The following SHANK2 variants were observed in gnomAD, a reference collection of about 807,000 sequenced individuals.
The protein encoded by SHANK2 is SH3 and multiple ankyrin repeat domains protein 2.
In SHANK2, 43 loss-of-function variants were observed where a neutral mutation model predicts 133.7. The observed-to-expected ratio is 0.32, with a 90% confidence interval of 0.25 to 0.41. The LOEUF (loss-of-function observed/expected upper bound fraction) is 0.41, where lower values mean the gene tolerates loss of function less well. SHANK2 is among the 10% of genes least tolerant of loss of function. The pLI, the probability that SHANK2 is intolerant of heterozygous loss-of-function variation, is 1.00. For synonymous variants in SHANK2, 1,017 were observed against 952.8 expected (o/e 1.07, Z -1.24); for missense variants, 1,994 against 2,235.8 (o/e 0.89, Z 2.18).
At chr11:70,523,859 G>A (rs2059362135) in intron 17 of SHANK2, among the ~76,000 whole-genome samples, 1 of 152,132 alleles carries the variant, frequency 6.6e-6, no homozygotes, top group South Asian at 2.1e-4. Flanking sequence ...TCCTCTGACA[G>A]CACCCTTCAT....
At chr11:71,143,234 C>CA (rs1160353113) in intron 3 of SHANK2, among the ~76,000 whole-genome samples, 5 of 150,482 alleles carry the variant, frequency 3.3e-5, no homozygotes, top group African/African-American at 1.2e-4. Context: ...GACTCCATCT[C>CA]AAAAAACAAA....
chr11:71,068,953 T>TATCACC (rs1453236818), intron 9 of SHANK2, among the ~76,000 whole-genome samples: 12 of 131,838 alleles, frequency 9.1e-5, no homozygotes, highest in Admixed American at 6.0e-4. Context: ...CCACCATCAC[T>TATCACC]ATCACCATGA....
intron 6 of SHANK2, among the ~76,000 whole-genome samples, chr11:71,108,825 TCTC>T (rs1951841644): frequency 6.6e-6 from 1 of 152,098 alleles, no homozygotes; most frequent in Non-Finnish European, 1.5e-5. Context: ...CGTGCCGGCT[TCTC>T]CTGCTGCTCA....
chr11:70,948,559 A>C (rs2135882982), intron 10 of SHANK2, among the ~76,000 whole-genome samples: 1 of 152,266 alleles, frequency 6.6e-6, no homozygotes, highest in African/African-American at 2.4e-5. Context: ...CCCAAATAAG[A>C]CTCAGAGGAA....
chr11:70,523,210 T>C (rs1373630339), intron 17 of SHANK2, among the ~76,000 whole-genome samples: 1 of 152,196 alleles, frequency 6.6e-6, no homozygotes, highest in African/African-American at 2.4e-5. Context: ...GGCCTCTCTG[T>C]CCAGAGCACC....
chr11:70,741,145 A>G (rs558268055), intron 14 of SHANK2, among the ~76,000 whole-genome samples: 23 of 151,788 alleles, frequency 1.5e-4, no homozygotes, highest in African/African-American at 5.1e-4. Flanking sequence ...AACTCCCTCA[A>G]ATTCTCAGAG....
At chr11:70,934,667 A>G (rs1003205668) in intron 10 of SHANK2, among the ~76,000 whole-genome samples, 1 of 152,202 alleles carries the variant, frequency 6.6e-6, no homozygotes. Context: ...TTATGTCCCA[A>G]TGATAAGAGA....
intron 11 of SHANK2, among the ~76,000 whole-genome samples, chr11:70,835,425 G>A (rs1323258489): frequency 6.6e-6 from 1 of 152,230 alleles, no homozygotes; most frequent in African/African-American, 2.4e-5. Context: ...CGAGGACACA[G>A]GACGCTCAGT....
chr11:71,057,058 T>C (rs1388966961), intron 9 of SHANK2, among the ~76,000 whole-genome samples: 1 of 152,034 alleles, frequency 6.6e-6, no homozygotes, highest in Non-Finnish European at 1.5e-5. Flanking sequence ...ATATTGGCCA[T>C]GCGCAGTAGC....
intron 17 of SHANK2, among the ~76,000 whole-genome samples, chr11:70,605,843 A>C (rs1359960286): frequency 6.6e-6 from 1 of 152,216 alleles, no homozygotes; most frequent in African/African-American, 2.4e-5. Context: ...GGCTGGCAGC[A>C]AGACCACTTT....
At chr11:70,752,825 T>C (rs3016183) in intron 14 of SHANK2, among the ~76,000 whole-genome samples, 67,309 of 151,822 alleles carry the variant, frequency 0.44, 15,286 homozygotes, top group African/African-American at 0.54. Flanking sequence ...TCAAAATACA[T>C]GAAGCAGGCC....
At chr11:71,167,764 C>A in intron 2 of SHANK2, among the ~76,000 whole-genome samples, 1 of 139,394 alleles carries the variant, frequency 7.2e-6, no homozygotes. Context: ...CGTCCCTCAC[C>A]TCCCGGACGG....
At chr11:70,787,888 C>A (rs1947704420) in intron 14 of SHANK2, among the ~76,000 whole-genome samples, 2 of 152,214 alleles carry the variant, frequency 1.3e-5, no homozygotes, top group African/African-American at 4.8e-5. Context: ...CACTCACCAT[C>A]TCTGACCTCG....
chr11:71,072,357 C>T (rs1008892998), intron 9 of SHANK2, among the ~76,000 whole-genome samples: 8 of 152,298 alleles, frequency 5.3e-5, no homozygotes, highest in South Asian at 2.1e-4. Context: ...ACACACTGGG[C>T]GGGGTGTCAC....
chr11:70,744,371 G>A (rs968647800), intron 14 of SHANK2, among the ~76,000 whole-genome samples: 3 of 152,160 alleles, frequency 2.0e-5, no homozygotes, highest in East Asian at 1.9e-4. Context: ...GAACCCTGCC[G>A]GGCCCTCCTT....
chr11:70,832,470 G>A (rs782057945), intron 11 of SHANK2, among the ~76,000 whole-genome samples: 5 of 152,212 alleles, frequency 3.3e-5, no homozygotes, highest in Non-Finnish European at 5.9e-5. Flanking sequence ...TGTGGAGCCA[G>A]GAGCCTCCCA....
chr11:70,767,698 G>T (rs905688721), intron 14 of SHANK2, among the ~76,000 whole-genome samples: 1 of 152,096 alleles, frequency 6.6e-6, no homozygotes, highest in African/African-American at 2.4e-5. Context: ...CAGGGGTGGG[G>T]GGGGCATGAG....
rs148877701 is a variant in SHANK2, at chr11:70,500,421, GGGC to G, written c.2308+146_2308+148del. On this transcript the variant is annotated intron_variant, in intron 21 of 25. Coordinates refer to ENST00000601538, the MANE Select transcript of SHANK2 (RefSeq NM_012309.5). The surrounding 1 kb of genome is among the most constrained non-coding windows in gnomAD (Gnocchi z 4.5). ...AGAACAGACAGATGAATGTGCTCCA[GGGC>G]GGCAGGGCTCCTCGGGCAGGACCCA... 5.4e-3 allele frequency: 5,333 copies of G among 996,362 alleles called. 194 individuals carry two copies. In the African/African-American group the frequency reaches 0.077, roughly 14 times the overall value. 61.7% of individuals were successfully genotyped at this position (996,362 alleles called of 1,614,324 possible).
intron 1 of SHANK2, among the ~76,000 whole-genome samples, chr11:71,238,163 G>C (rs577973590): frequency 4.1e-4 from 63 of 152,330 alleles, no homozygotes; most frequent in African/African-American, 1.5e-3. Context: ...TGCCCACGTG[G>C]GAGGCTCTGC....
Sources: allele counts gnomAD v4.1 joint callset (sites outside exome capture counted in the v4.1 genomes callset), GRCh38; gene constraint gnomAD v4.1.1; non-coding constraint Gnocchi (gnomAD v3.1); transcripts MANE v1.5; gene names NCBI Gene and HGNC (gene_info 2026-07-23, HGNC 2026-07-21).